The following ULK4 variants were observed in gnomAD, a reference collection of about 807,000 sequenced individuals.
ULK4 encodes the protein inactive serine/threonine-protein kinase ULK4.
In ULK4, 133 loss-of-function variants were observed where a neutral mutation model predicts 160.6. The observed-to-expected ratio is 0.83, with a 90% confidence interval of 0.72 to 0.96. ULK4 has a LOEUF of 0.96. ULK4 is among the 40% of genes least tolerant of loss of function. ULK4 has a pLI of 0.00. For synonymous variants in ULK4, 534 were observed against 539.8 expected (o/e 0.99, Z 0.15); for missense variants, 1,580 against 1,499.5 (o/e 1.05, Z -0.89).
chr3:41,618,579 G>T (rs776582656), intron 30 of ULK4, among the ~76,000 whole-genome samples: 54 of 152,276 alleles, frequency 3.5e-4, no homozygotes, highest in South Asian at 1.2e-3. Flanking sequence ...AATGCTGAGG[G>T]ATTTTGTCAC....
At chr3:41,725,781 A>G (rs1287791641) in intron 22 of ULK4, among the ~76,000 whole-genome samples, 1 of 152,156 alleles carries the variant, frequency 6.6e-6, no homozygotes, top group Non-Finnish European at 1.5e-5. Context: ...CCTGAAAACT[A>G]CGGAGATACT....
intron 34 of ULK4, among the ~76,000 whole-genome samples, chr3:41,432,042 C>T (rs910516955): frequency 6.6e-6 from 1 of 152,050 alleles, no homozygotes; most frequent in African/African-American, 2.4e-5. Flanking sequence ...CCACCCACCT[C>T]GGCCTCCCAA....
At chr3:41,858,815 T>TA (rs2042432444) in intron 17 of ULK4, among the ~76,000 whole-genome samples, 1 of 145,444 alleles carries the variant, frequency 6.9e-6, no homozygotes, top group Admixed American at 6.8e-5. Flanking sequence ...CAAATTCTTT[T>TA]TTCCCCCCCA....
Position 41,824,163 on chromosome 3 carries a change from T to TTTAAAAAA in ULK4, c.1765-4658_1765-4657insTTTTTTAA, listed in dbSNP as rs555935496. ...GGGTGAGAGAATGAGACTCTATCTTTAAAAAAAAAAAAAAAAAAAGGAGGA... is the reference window on the plus strand; with the variant it reads ...GGGTGAGAGAATGAGACTCTATCTTTTTAAAAAAAAAAAAAAAAAAAAAAAAAGGAGGA... On this transcript the variant is annotated intron_variant, in intron 18 of 36. Transcript: ENST00000301831. Among the ~76,000 whole-genome samples the TTTAAAAAA allele has an allele frequency of 1.4e-3, 166 of 117,734 alleles. 2 individuals are homozygous for TTTAAAAAA. The highest frequency in any genetic ancestry group is 5.2e-3 in the East Asian group (22 of 4,270). 77.2% of individuals were successfully genotyped at this position (117,734 alleles called of 152,430 possible). A position where few individuals can be genotyped will look rare whatever the true frequency, so the allele number is the denominator to read the frequency against.
intron 18 of ULK4, among the ~76,000 whole-genome samples, chr3:41,822,392 T>C (rs2041174699): frequency 6.6e-6 from 1 of 152,156 alleles, no homozygotes; most frequent in African/African-American, 2.4e-5. Context: ...TTTTGTTTCA[T>C]TTTGTTTTTC....
intron 35 of ULK4, among the ~76,000 whole-genome samples, chr3:41,389,424 G>A (rs2081902360): frequency 6.6e-6 from 1 of 152,172 alleles, no homozygotes; most frequent in Non-Finnish European, 1.5e-5. Flanking sequence ...TAGGAGTGGT[G>A]AGAGAGGGCA....
chr3:41,299,919 A>G (rs1231935716), intron 35 of ULK4, among the ~76,000 whole-genome samples: 2 of 152,190 alleles, frequency 1.3e-5, no homozygotes, highest in Non-Finnish European at 2.9e-5. Flanking sequence ...TACATCTAAC[A>G]TATTCTATAT....
At chr3:41,425,224 AAGAC>A (rs1305199974) in intron 34 of ULK4, among the ~76,000 whole-genome samples, 1 of 152,166 alleles carries the variant, frequency 6.6e-6, no homozygotes, top group Non-Finnish European at 1.5e-5. Flanking sequence ...TTGCTGAAAT[AAGAC>A]AGGCAGACAA....
chr3:41,477,447 C>G (rs549056958), intron 32 of ULK4, among the ~76,000 whole-genome samples: 1 of 152,142 alleles, frequency 6.6e-6, no homozygotes, highest in African/African-American at 2.4e-5. Flanking sequence ...TGCATAGAGG[C>G]TTTCTTCTGG....
rs764995864 is a variant in ULK4 at position 41,883,950 on chromosome 3, C to T, written c.1580G>A (p.Arg527Gln). 2.0e-5 allele frequency: 32 copies of T among 1,607,516 alleles called. No homozygotes were observed. The highest frequency in any genetic ancestry group is 1.6e-4 in the Middle Eastern group (1 of 6,076). The change falls in exon 17 of 37, where the codon CGG becomes CAG. Residue 527 changes from arginine (R) to glutamine (Q), a missense_variant and splice_region_variant. By Grantham distance (43) the Arg-to-Gln change is conservative. Transcript: ENST00000301831. ...ACCAATTACGTGAGCAACCTTGGCC[C>T]GTCTGTAAATGGAGAGAAAACAGGC... ...HLRIAPNWDI[R>Q]AKVAHVIGLL... is the part of the protein sequence containing the mutation.
chr3:41,483,674 T>A (rs945273328), intron 32 of ULK4, among the ~76,000 whole-genome samples: 7 of 152,114 alleles, frequency 4.6e-5, no homozygotes. Context: ...CCCAAAGACA[T>A]CCACATCCTA....
chr3:41,960,662 G>A (rs1700633863), intron 1 of ULK4, among the ~76,000 whole-genome samples: 1 of 152,110 alleles, frequency 6.6e-6, no homozygotes, highest in African/African-American at 2.4e-5. Flanking sequence ...ACCGCGCCTG[G>A]CACTAAGTTA....
At chr3:41,527,296 T>C (rs1439076301) in intron 32 of ULK4, among the ~76,000 whole-genome samples, 2 of 152,200 alleles carry the variant, frequency 1.3e-5, no homozygotes, top group East Asian at 3.9e-4. Flanking sequence ...AAAGCATTAC[T>C]GGGAGAAACA....
At chr3:41,445,646 G>C (rs143194790) in intron 34 of ULK4, among the ~76,000 whole-genome samples, 2 of 152,150 alleles carry the variant, frequency 1.3e-5, no homozygotes, top group African/African-American at 4.8e-5. Flanking sequence ...TTTAATAAAT[G>C]GTGCTGGGGA....
At position 41,681,774 on chromosome 3, in the gene ULK4, A is replaced by ACAC. The variant is rs2035932534; in HGVS notation, c.2809_2811dup (p.Val937dup). 1 of 1,614,126 alleles carries ACAC rather than the reference A, an allele frequency of 6.2e-7. No individual in the cohort carries two copies. On this transcript the variant is annotated inframe_insertion, in exon 28 of 37. Transcript: ENST00000301831. ...TTACCATTTTGGCTTTGAACCAAGG[A>ACAC]CACCAAGGGTGGCAGTATATAGTCA...
intron 16 of ULK4, among the ~76,000 whole-genome samples, chr3:41,893,095 T>G (rs1698025234): frequency 6.6e-6 from 1 of 152,076 alleles, no homozygotes; most frequent in East Asian, 1.9e-4. Context: ...CATAAGCAAA[T>G]TCACAAAGAT....
At chr3:41,391,480 G>A (rs2081956559) in intron 35 of ULK4, among the ~76,000 whole-genome samples, 1 of 151,644 alleles carries the variant, frequency 6.6e-6, no homozygotes, top group Non-Finnish European at 1.5e-5. Context: ...AGGGAGAGAG[G>A]TATAATTTTA....
intron 20 of ULK4, 54 bp downstream of exon 20, chr3:41,800,078 A>G: frequency 7.0e-7 from 1 of 1,435,672 alleles, no homozygotes; most frequent in Non-Finnish European, 9.2e-7. Context: ...ATTTTCTTCA[A>G]ACTTGCTGTT....
At chr3:41,729,381 C>G (rs1482229001) in intron 22 of ULK4, among the ~76,000 whole-genome samples, 1 of 152,216 alleles carries the variant, frequency 6.6e-6, no homozygotes, top group African/African-American at 2.4e-5. Flanking sequence ...CGTGGCTGCA[C>G]TGTGCCAGAG....
Sources: gnomAD v4.1 joint callset for allele counts (sites outside exome capture counted in the v4.1 genomes callset) on GRCh38, gnomAD v4.1.1 for gene constraint, MANE v1.5 for transcripts, NCBI Gene and HGNC (gene_info 2026-07-23, HGNC 2026-07-21) for gene names.